Variants in WDSUB1 observed in about 807,000 individuals in gnomAD.
WDSUB1 encodes WD repeat, SAM and U-box domain-containing protein 1.
Under a neutral mutation model 53.9 loss-of-function variants are expected in WDSUB1, and 49 were observed. The observed-to-expected ratio is 0.91, with a 90% CI of 0.72 to 1.15. The LOEUF is 1.15. Among genes scored for constraint, WDSUB1 ranks in the 50% most tolerant of loss-of-function variants. The pLI is 0.00. For synonymous variants in WDSUB1, 194 were observed against 200.6 expected, an observed-to-expected ratio of 0.97 and a Z score of 0.28; for missense variants, 514 against 562.0, an observed-to-expected ratio of 0.91 and a Z score of 0.86.
At chr2:159,259,883 A>G in intron 5 of WDSUB1, 40 bp from the exon 6 acceptor site, 1 of 1,456,850 alleles carries the variant, frequency 6.9e-7, no homozygotes. Flanking sequence ...GTTCTATAAA[A>G]ACAAAGTACA....
At chr2:159,280,690 C>CAAAAAAAAAAAAAA (rs58584838) in intron 2 of WDSUB1, among the ~76,000 whole-genome samples, 12 of 59,578 alleles carry the variant, frequency 2.0e-4, no homozygotes, top group African/African-American at 9.1e-4. Context: ...GACTCCGTCT[C>CAAAAAAAAAAAAAA]AAAAAAAAAA....
Position 159,242,453 on chromosome 2 carries a change from G to C in WDSUB1, c.1273+5919C>G, listed in dbSNP as rs866951413. On this transcript the variant is annotated intron_variant, in intron 10 of 10. Transcript: ENST00000359774. Reference sequence around the variant, plus strand: ...AGGCGGGCAGATCACCTGAGGTTGGGAGATCGAGACCATCCTGGCTAACAA... The same window carrying C: ...AGGCGGGCAGATCACCTGAGGTTGGCAGATCGAGACCATCCTGGCTAACAA... Among the ~76,000 whole-genome samples, 46 of 146,604 alleles carry C rather than the reference G, an allele frequency of 3.1e-4. No individual in the cohort carries two copies. In the Middle Eastern group the frequency reaches 0.014, roughly 44 times the overall value.
rs1157419285 is a variant in WDSUB1, at chr2:159,237,496, GGGTGACAGAGCAAGACTCCA to G, written c.1274-1326_1274-1307del. Among the ~76,000 whole-genome samples the G allele has an allele frequency of 9.5e-3, 1,440 of 152,008 alleles. 20 individuals are homozygous for G. The highest frequency in any genetic ancestry group is 0.028 in the African/African-American group (1,154 of 41,430). On this transcript the variant is annotated intron_variant, in intron 10 of 10. Coordinates refer to ENST00000359774, the MANE Select transcript of WDSUB1 (RefSeq NM_001128212.3). The stretch of plus-strand genomic sequence containing the variant: ...AGATCGCACCACTGCACTCCAGCCT[GGGTGACAGAGCAAGACTCCA>G]TCTCAAAAAAAAAAAAAGTTACAAC...
intron 10 of WDSUB1, among the ~76,000 whole-genome samples, chr2:159,240,644 A>T (rs2060620195): frequency 6.6e-6 from 1 of 152,198 alleles, no homozygotes; most frequent in East Asian, 1.9e-4. Context: ...AATCTGCACA[A>T]CAACCTTATG....
intron 5 of WDSUB1, among the ~76,000 whole-genome samples, chr2:159,265,875 T>C (rs2061335740): frequency 6.6e-6 from 1 of 152,188 alleles, no homozygotes; most frequent in Non-Finnish European, 1.5e-5. Flanking sequence ...AAAAACCTCT[T>C]GCGTATTTTG....
In WDSUB1 at chr2:159,235,913, A is replaced by C; in HGVS notation, c.*120T>G. 1 of 984,686 alleles carries C rather than the reference A, an allele frequency of 1.0e-6. No homozygotes were observed. The highest frequency in any genetic ancestry group is 1.4e-6 in the Non-Finnish European group (1 of 729,632). 61.0% of individuals were successfully genotyped at this position (984,686 alleles called of 1,614,324 possible). A position where few individuals can be genotyped will look rare whatever the true frequency, so the allele number is the denominator to read the frequency against. ...ATGAAAATTGACAATTTTTATAGGT[A>C]ACTAAATTTAAGAAGTTTACCTTTT... On this transcript the variant is annotated 3_prime_UTR_variant, in exon 11 of 11. Coordinates refer to ENST00000359774, the MANE Select transcript of WDSUB1 (RefSeq NM_001128212.3).
intron 6 of WDSUB1, among the ~76,000 whole-genome samples, chr2:159,258,495 T>C (rs1188639439): frequency 6.6e-6 from 1 of 152,050 alleles, no homozygotes; most frequent in Admixed American, 6.5e-5. Flanking sequence ...CCCATCCCTA[T>C]TAAAAATATA....
At chr2:159,236,708 C>T (rs6704733) in intron 10 of WDSUB1, among the ~76,000 whole-genome samples, 2 of 152,014 alleles carry the variant, frequency 1.3e-5, no homozygotes, top group East Asian at 1.9e-4. Flanking sequence ...CCCAGGCTGG[C>T]ATACACTGGC....
intron 5 of WDSUB1, among the ~76,000 whole-genome samples, chr2:159,268,483 A>G (rs903620113): frequency 1.3e-5 from 2 of 152,244 alleles, no homozygotes; most frequent in African/African-American, 4.8e-5. Flanking sequence ...TGACAACAAC[A>G]TAACTAGTAA....
At chr2:159,253,809 T>C (rs571067564) in intron 9 of WDSUB1, among the ~76,000 whole-genome samples, 21 of 152,358 alleles carry the variant, frequency 1.4e-4, no homozygotes, top group African/African-American at 5.0e-4. Flanking sequence ...TGAGGTCTAT[T>C]TTTCTTAAAA....
At chr2:159,254,787 A>T (rs537571630) in intron 9 of WDSUB1, among the ~76,000 whole-genome samples, 61 of 152,054 alleles carry the variant, frequency 4.0e-4, no homozygotes, top group Non-Finnish European at 7.5e-4. Flanking sequence ...CAAAGCCCCT[A>T]CTCTATTACC....
At chr2:159,259,173 G>A (rs756050100) in intron 6 of WDSUB1, among the ~76,000 whole-genome samples, 19 of 152,206 alleles carry the variant, frequency 1.2e-4, no homozygotes, top group African/African-American at 2.9e-4. Context: ...ACAGGGACGC[G>A]CCACCACGGT....
chr2:159,255,933 G>T (rs941954465), intron 9 of WDSUB1, among the ~76,000 whole-genome samples: 1 of 152,046 alleles, frequency 6.6e-6, no homozygotes, highest in Non-Finnish European at 1.5e-5. Flanking sequence ...TTAAAAATGG[G>T]CAATGGATCT....
chr2:159,255,262 T>C (rs1220129139), intron 9 of WDSUB1, among the ~76,000 whole-genome samples: 1 of 151,838 alleles, frequency 6.6e-6, no homozygotes. Flanking sequence ...GGTCAGGAGA[T>C]CAAGACCATC....
chr2:159,259,692 T>C (rs1380547986), intron 6 of WDSUB1, 118 bp downstream of exon 6: 2 of 1,102,570 alleles, frequency 1.8e-6, no homozygotes, highest in Non-Finnish European at 1.3e-6. Flanking sequence ...AAAATATTTA[T>C]GTTCTTAGTC....
Position 159,237,518 on chromosome 2 carries a change from C to T in WDSUB1, c.1274-1328G>A, listed in dbSNP as rs1391431753. On this transcript the variant is annotated intron_variant, in intron 10 of 10. Coordinates refer to ENST00000359774, the MANE Select transcript of WDSUB1 (RefSeq NM_001128212.3). ...CCTGGGTGACAGAGCAAGACTCCAT[C>T]TCAAAAAAAAAAAAAGTTACAACTA... is the stretch of plus-strand genomic sequence containing the variant. 9.7e-3 allele frequency among the ~76,000 whole-genome samples: 1,441 copies of T among 149,090 alleles called. 22 individuals carry two copies. Among genetic ancestry groups the T allele is most frequent in the African/African-American group, 0.029 (1,155 of 39,428 alleles).
intron 3 of WDSUB1, among the ~76,000 whole-genome samples, chr2:159,278,132 TTATA>T (rs1367393038): frequency 1.3e-5 from 2 of 152,190 alleles, no homozygotes; most frequent in Non-Finnish European, 2.9e-5. Context: ...CTCTCCACAC[TTATA>T]TAATTCACCA....
chr2:159,248,270 C>G, intron 10 of WDSUB1, 102 bp downstream of exon 10: 1 of 1,394,874 alleles, frequency 7.2e-7, no homozygotes, highest in East Asian at 2.4e-5. Context: ...GAAAAAACTA[C>G]TTAAAATTCT....
At chr2:159,253,655 AAC>A (rs2060999044) in intron 9 of WDSUB1, among the ~76,000 whole-genome samples, 1 of 152,248 alleles carries the variant, frequency 6.6e-6, no homozygotes, top group Admixed American at 6.5e-5. Context: ...AGCTGTTTTA[AAC>A]AGTTATATCA....
Sources: allele counts gnomAD v4.1 joint callset (sites outside exome capture counted in the v4.1 genomes callset), GRCh38; gene constraint gnomAD v4.1.1; transcripts MANE v1.5; gene names NCBI Gene and HGNC (gene_info 2026-07-23, HGNC 2026-07-21).